COL6A6: variants seen among roughly 807,000 people sequenced by gnomAD.
COL6A6 encodes the protein collagen alpha-6(VI) chain.
A neutral mutation model predicts 208.6 loss-of-function variants in COL6A6; 183 were observed. The observed-to-expected ratio is 0.88, with a 90% CI of 0.78 to 0.99. The LOEUF (loss-of-function observed/expected upper bound fraction) is 0.99. Among genes scored for constraint, COL6A6 ranks in the 50% least tolerant of loss-of-function variants. The pLI is 0.00. For missense variants in COL6A6, 2,816 were observed against 2,815.2 expected, an observed-to-expected ratio of 1.00 and a Z score of -0.01; for synonymous variants, 973 against 1,011.8, an observed-to-expected ratio of 0.96 and a Z score of 0.73.
At chr3:130,599,667 C>G in intron 19 of COL6A6, 90 bp from the exon 20 acceptor site, 1 of 1,320,726 alleles carries the variant, frequency 7.6e-7, no homozygotes. Context: ...GTGAACCTAT[C>G]TATCCTCCCT....
At chr3:130,551,635 T>G (rs1452974408) in intron 1 of COL6A6, among the ~76,000 whole-genome samples, 3 of 151,712 alleles carry the variant, frequency 2.0e-5, no homozygotes, top group South Asian at 2.1e-4. Flanking sequence ...TTTTGGGTTT[T>G]TTTTTTTTTT....
At chr3:130,609,492 T>G (rs1185682299) in intron 22 of COL6A6, among the ~76,000 whole-genome samples, 1 of 152,194 alleles carries the variant, frequency 6.6e-6, no homozygotes, top group Non-Finnish European at 1.5e-5. Context: ...CAAGCCATAC[T>G]TGGCTGTTTA....
chr3:130,544,671 C>T (rs1159330128), intron 1 of COL6A6, among the ~76,000 whole-genome samples: 1 of 152,144 alleles, frequency 6.6e-6, no homozygotes, highest in African/African-American at 2.4e-5. Context: ...ATGAGGGTTC[C>T]CTTTTCTCTA....
At chr3:130,663,097 G>A (rs191429765) in intron 35 of COL6A6, among the ~76,000 whole-genome samples, 4 of 152,250 alleles carry the variant, frequency 2.6e-5, no homozygotes, top group Non-Finnish European at 4.4e-5. Flanking sequence ...AAGAGTACCC[G>A]GTGTGGTTCA....
At chr3:130,650,029 T>G (rs917538849) in intron 33 of COL6A6, among the ~76,000 whole-genome samples, 1 of 152,254 alleles carries the variant, frequency 6.6e-6, no homozygotes, top group African/African-American at 2.4e-5. Flanking sequence ...TTTGCTGATT[T>G]TATAACTTCA....
intron 10 of COL6A6, among the ~76,000 whole-genome samples, chr3:130,583,512 T>C (rs534027147): frequency 6.6e-6 from 1 of 152,342 alleles, no homozygotes; most frequent in East Asian, 1.9e-4. Flanking sequence ...AGACCAAGTA[T>C]CTTTCTTCCA....
At chr3:130,527,200 T>C (rs1577600070) in intron 1 of COL6A6, among the ~76,000 whole-genome samples, 2 of 152,232 alleles carry the variant, frequency 1.3e-5, no homozygotes, top group Non-Finnish European at 2.9e-5. Context: ...TCAAGAGTTA[T>C]TCTAATCACC....
In COL6A6 at chr3:130,524,855, A is replaced by T. The variant is rs908563278; in HGVS notation, c.-32+7458A>T. Among the ~76,000 whole-genome samples, 3 of 152,188 alleles carry T rather than the reference A, an allele frequency of 2.0e-5. 1 individual carries two copies. The highest frequency in any genetic ancestry group is 2.0e-4 in the Admixed American group (3 of 15,280). ...TTGAGAAAGGAGATGTGCGCTGTGG[A>T]TGCAGAGCTGAAGCCATGCCACTAA... On this transcript the variant is annotated intron_variant, in intron 1 of 36. Transcript: ENST00000358511.
intron 25 of COL6A6, among the ~76,000 whole-genome samples, chr3:130,627,066 C>A (rs2064911279): frequency 1.3e-5 from 2 of 152,052 alleles, no homozygotes; most frequent in Admixed American, 6.6e-5. Context: ...TCATGACAAC[C>A]CATGAGTAGG....
chr3:130,617,331 G>A (rs1309484803), intron 23 of COL6A6, among the ~76,000 whole-genome samples: 2 of 152,184 alleles, frequency 1.3e-5, no homozygotes, highest in East Asian at 1.9e-4. Flanking sequence ...AATGTTAAAA[G>A]AGAATTATAC....
intron 30 of COL6A6, 49 bp downstream of exon 30, chr3:130,642,916 T>G (rs749267685): frequency 1.9e-6 from 3 of 1,613,036 alleles, no homozygotes; most frequent in Admixed American, 3.3e-5. Context: ...TCCATTCAAT[T>G]TACTTATTTT....
chr3:130,645,016 A>AT lies in COL6A6; in HGVS notation c.5239+17dup, dbSNP rs1402767483. On this transcript the variant is annotated intron_variant, in intron 32 of 36. Coordinates refer to ENST00000358511, the MANE Select transcript of COL6A6 (RefSeq NM_001102608.3). The stretch of plus-strand genomic sequence containing the variant: ...CTGGCAGGCATGGTGAGTAATCTTT[A>AT]TTTACAGCATGCTTTAATCAAGCTC... 2 of 1,609,688 alleles carry AT rather than the reference A, an allele frequency of 1.2e-6. No individual in the cohort carries two copies. The highest frequency in any genetic ancestry group is 4.5e-5 in the East Asian group (2 of 44,870).
intron 35 of COL6A6, 105 bp from the exon 36 acceptor site, chr3:130,664,898 T>C (rs1387784330): frequency 7.0e-6 from 5 of 711,388 alleles, no homozygotes; most frequent in South Asian, 5.3e-5. Flanking sequence ...GGTATTTTTC[T>C]TGATGGCTAT....
At position 130,576,573 on chromosome 3, in the gene COL6A6, T is replaced by G. The variant is rs556531652; in HGVS notation, c.3547+2048T>G. Among the ~76,000 whole-genome samples, 34 of 152,158 alleles carry G rather than the reference T, an allele frequency of 2.2e-4. 1 individual carries two copies. In the South Asian group the frequency reaches 6.8e-3, roughly 31 times the overall value. Reference sequence around the variant, plus strand: ...CTCTCTGAACCATCCAGTTTCTATCTGAGTGTGATGAAAGAAAACCATGTG... The same window carrying G: ...CTCTCTGAACCATCCAGTTTCTATCGGAGTGTGATGAAAGAAAACCATGTG... On this transcript the variant is annotated intron_variant, in intron 8 of 36. Transcript: ENST00000358511.
At chr3:130,623,369 G>A (rs939250553) in intron 24 of COL6A6, among the ~76,000 whole-genome samples, 1 of 152,166 alleles carries the variant, frequency 6.6e-6, no homozygotes, top group African/African-American at 2.4e-5. Context: ...AAGACAGAGA[G>A]AATTGCTTGA....
chr3:130,557,703 C>G (rs2062797745), intron 1 of COL6A6, among the ~76,000 whole-genome samples: 2 of 152,046 alleles, frequency 1.3e-5, no homozygotes, highest in Non-Finnish European at 2.9e-5. Context: ...CCCTTATGGG[C>G]TCTTAGTACC....
At chr3:130,519,273 A>G (rs1360404648) in intron 1 of COL6A6, among the ~76,000 whole-genome samples, 1 of 152,220 alleles carries the variant, frequency 6.6e-6, no homozygotes, top group Non-Finnish European at 1.5e-5. Context: ...CACTAATACA[A>G]TGGTCTTAAA....
intron 33 of COL6A6, among the ~76,000 whole-genome samples, chr3:130,657,154 T>A (rs1292372481): frequency 6.6e-6 from 1 of 152,234 alleles, no homozygotes; most frequent in Non-Finnish European, 1.5e-5. Flanking sequence ...AGCAGGAGGC[T>A]CTTACCCTGC....
intron 18 of COL6A6, among the ~76,000 whole-genome samples, chr3:130,596,285 C>T (rs1285844101): frequency 1.3e-5 from 2 of 152,134 alleles, no homozygotes; most frequent in South Asian, 2.1e-4. Context: ...AATACAAAGA[C>T]GTTTCAGTTA....
Sources: allele counts gnomAD v4.1 joint callset (sites outside exome capture counted in the v4.1 genomes callset), GRCh38; gene constraint gnomAD v4.1.1; transcripts MANE v1.5; gene names NCBI Gene and HGNC (gene_info 2026-07-23, HGNC 2026-07-21).